PRKCB: variants seen among roughly 807,000 people sequenced by gnomAD.
The protein encoded by PRKCB is protein kinase C beta.
PRKCB carries 13 observed loss-of-function variants against 81.5 expected under a neutral mutation model. The observed-to-expected ratio is 0.16, with a 90% CI of 0.10 to 0.25. The LOEUF (loss-of-function observed/expected upper bound fraction) is 0.25, where lower values mean the gene tolerates loss of function less well. Ranked by LOEUF, PRKCB falls within the 10% of genes least tolerant of loss-of-function variation. The probability of loss-of-function intolerance (pLI) is 1.00; values close to 1 mark genes in which losing one functional copy is unlikely to be tolerated. For synonymous variants in PRKCB, 335 were observed against 321.4 expected (o/e 1.04, Z -0.45); for missense variants, 509 against 875.7 (o/e 0.58, Z 5.29).
chr16:24,021,359 T>TCCATCCCTCCCTCCC (rs1965400438), intron 3 of PRKCB, among the ~76,000 whole-genome samples: 1 of 27,774 alleles, frequency 3.6e-5, no homozygotes, highest in Non-Finnish European at 5.8e-5. Context: ...TCCTTCCTCC[T>TCCATCCCTCCCTCCC]TCCCTCCCTC....
At position 24,191,976 on chromosome 16, in the gene PRKCB, G is replaced by T. The variant is rs113823823; in HGVS notation, c.1863+746G>T. Among the ~76,000 whole-genome samples the T allele has an allele frequency of 9.8e-5, 15 of 152,306 alleles. 1 individual carries two copies. The highest frequency in any genetic ancestry group is 3.1e-4 in the African/African-American group (13 of 41,576). ...AATCAAACTGTTATTCTGCTGGGAG[G>T]ATATTTCCTTGTGAAATTAAATAGA... is the stretch of plus-strand genomic sequence containing the variant. On this transcript the variant is annotated intron_variant, in intron 16 of 16. Coordinates refer to ENST00000643927, the MANE Select transcript of PRKCB (RefSeq NM_002738.7).
chr16:24,059,951 A>G (rs1316628651), intron 5 of PRKCB, among the ~76,000 whole-genome samples: 2 of 152,106 alleles, frequency 1.3e-5, no homozygotes, highest in African/African-American at 4.8e-5. Flanking sequence ...GATGTTGAGG[A>G]GGGAATTGAA....
chr16:24,096,662 AAAAAATATATAT>A lies in PRKCB; in HGVS notation c.821+2367_821+2378del, dbSNP rs1276632680. 8.3e-3 allele frequency among the ~76,000 whole-genome samples: 335 copies of A among 40,442 alleles called. 9 individuals carry two copies. Among genetic ancestry groups the A allele is most frequent in the South Asian group, 0.022 (20 of 890 alleles). The allele number at this position is 40,442 out of a possible 152,430, so 26.5% of individuals were successfully genotyped here. A position where few individuals can be genotyped will look rare whatever the true frequency, so the allele number is the denominator to read the frequency against. ...GCTCCCTTCCTATGGCAAAAAAAAAAAAAAATATATATATATATATATATATATATATATATA... is the reference window on the plus strand; with the variant it reads ...GCTCCCTTCCTATGGCAAAAAAAAAAATATATATATATATATATATATATA... On this transcript the variant is annotated intron_variant, in intron 7 of 16. Transcript: ENST00000643927.
chr16:23,880,518 G>C (rs2141107436), intron 2 of PRKCB, among the ~76,000 whole-genome samples: 1 of 151,904 alleles, frequency 6.6e-6, no homozygotes, highest in Non-Finnish European at 1.5e-5. Flanking sequence ...GGTCTCTGTG[G>C]GTGTCTGACA....
At chr16:23,898,982 G>T (rs547512402) in intron 2 of PRKCB, among the ~76,000 whole-genome samples, 6 of 152,318 alleles carry the variant, frequency 3.9e-5, no homozygotes, top group African/African-American at 1.4e-4. Context: ...TGGACCATAG[G>T]AAGTGTTTAA....
chr16:24,038,544 G>C (rs543640101), intron 5 of PRKCB, among the ~76,000 whole-genome samples: 44 of 152,378 alleles, frequency 2.9e-4, no homozygotes, highest in Admixed American at 2.7e-3. Context: ...TGGGCCTCTG[G>C]CCCCATGTCA....
At chr16:23,997,386 C>T (rs889040305) in intron 3 of PRKCB, among the ~76,000 whole-genome samples, 3 of 152,192 alleles carry the variant, frequency 2.0e-5, no homozygotes, top group African/African-American at 7.2e-5. Context: ...GGCCCAGACC[C>T]TTTAAGAATG....
intron 4 of PRKCB, among the ~76,000 whole-genome samples, chr16:24,034,506 T>G (rs533511726): frequency 6.6e-6 from 1 of 152,306 alleles, no homozygotes; most frequent in East Asian, 1.9e-4. Context: ...ACAGATACTC[T>G]ACGGAGGAGT....
In PRKCB at chr16:23,836,145, A is replaced by G. The variant is rs1421398182; in HGVS notation, c.-31A>G. The G allele has an allele frequency of 2.1e-6, 3 of 1,400,498 alleles. No homozygotes were observed. The highest frequency in any genetic ancestry group is 2.8e-6 in the Non-Finnish European group (3 of 1,076,266). 86.8% of individuals were successfully genotyped at this position (1,400,498 alleles called of 1,614,324 possible). A position where few individuals can be genotyped will look rare whatever the true frequency, so the allele number is the denominator to read the frequency against. On this transcript the variant is annotated 5_prime_UTR_variant, in exon 1 of 17. Coordinates refer to ENST00000643927, the MANE Select transcript of PRKCB (RefSeq NM_002738.7). ...GCGGTCCCGCGGCCCCGGGGCCGGC[A>G]CCTCTCGGGCTCCGGCTCCCCGCGC... is the stretch of plus-strand genomic sequence containing the variant.
chr16:23,916,555 A>G lies in PRKCB; in HGVS notation c.206-71953A>G, dbSNP rs542737160. Among the ~76,000 whole-genome samples the G allele has an allele frequency of 4.6e-5, 7 of 151,978 alleles. 1 individual carries two copies. The South Asian group carries it at 1.5e-3, about 32-fold the overall frequency. On this transcript the variant is annotated intron_variant, in intron 2 of 16. Transcript: ENST00000643927. ...CCCTAGCCCTTAGGCCACTCTGTTC[A>G]CCTCCTTTTTGGCACCCAATATTCA... is the stretch of plus-strand genomic sequence containing the variant.
chr16:24,168,306 T>C (rs1444233772), intron 10 of PRKCB, among the ~76,000 whole-genome samples: 1 of 152,192 alleles, frequency 6.6e-6, no homozygotes, highest in East Asian at 1.9e-4. Context: ...CTGTATTGAC[T>C]TAAAAGGTGA....
At chr16:23,851,582 A>ATATGAACT (rs1962473538) in intron 2 of PRKCB, among the ~76,000 whole-genome samples, 1 of 152,196 alleles carries the variant, frequency 6.6e-6, no homozygotes. Flanking sequence ...TTGTGGTCCC[A>ATATGAACT]TATGAACTTA....
chr16:23,900,499 C>T (rs920758691), intron 2 of PRKCB, among the ~76,000 whole-genome samples: 1 of 152,194 alleles, frequency 6.6e-6, no homozygotes, highest in Admixed American at 6.5e-5. Flanking sequence ...CATTCCACTT[C>T]TGTCCTCAAG....
intron 2 of PRKCB, among the ~76,000 whole-genome samples, chr16:23,933,873 CAT>C: frequency 7.1e-6 from 1 of 141,276 alleles, no homozygotes; most frequent in African/African-American, 2.8e-5. Flanking sequence ...TCCATCCATC[CAT>C]CCATCATCTT....
intron 9 of PRKCB, among the ~76,000 whole-genome samples, chr16:24,125,629 G>T (rs1045389543): frequency 1.4e-4 from 21 of 152,150 alleles, no homozygotes; most frequent in Admixed American, 5.9e-4. Flanking sequence ...TGTCCTTGTT[G>T]ATTTTTTCTC....
chr16:24,123,540 A>C (rs1190609799), intron 8 of PRKCB, among the ~76,000 whole-genome samples: 2 of 152,128 alleles, frequency 1.3e-5, no homozygotes, highest in Non-Finnish European at 2.9e-5. Flanking sequence ...TGCAGGTGAG[A>C]GATGATGGCA....
At position 23,969,229 on chromosome 16, in the gene PRKCB, G is replaced by A. The variant is rs555630895; in HGVS notation, c.206-19279G>A. ...CCCTGCAGTGGGGCCCACTGGGAATGGTTGCATCTTCCATGGGGAGTTTAA... is the reference window on the plus strand; with the variant it reads ...CCCTGCAGTGGGGCCCACTGGGAATAGTTGCATCTTCCATGGGGAGTTTAA... On this transcript the variant is annotated intron_variant, in intron 2 of 16. Coordinates refer to ENST00000643927, the MANE Select transcript of PRKCB (RefSeq NM_002738.7). Among the ~76,000 whole-genome samples, 3 of 152,232 alleles carry A rather than the reference G, an allele frequency of 2.0e-5. No individual in the cohort carries two copies. In the East Asian group the frequency reaches 5.8e-4, roughly 29 times the overall value.
intron 2 of PRKCB, among the ~76,000 whole-genome samples, chr16:23,916,751 A>C (rs1963747172): frequency 6.6e-6 from 1 of 152,078 alleles, no homozygotes; most frequent in African/African-American, 2.4e-5. Context: ...ATGTCAGTGC[A>C]TATAGAACAT....
intron 2 of PRKCB, among the ~76,000 whole-genome samples, chr16:23,921,281 C>T (rs1411606317): frequency 1.3e-5 from 2 of 152,110 alleles, no homozygotes; most frequent in African/African-American, 4.8e-5. Context: ...TCTCAGTTTC[C>T]TCATCTTTCA....
Sources: gnomAD v4.1 joint callset for allele counts (sites outside exome capture counted in the v4.1 genomes callset) on GRCh38, gnomAD v4.1.1 for gene constraint, MANE v1.5 for transcripts, NCBI Gene and HGNC (gene_info 2026-07-23, HGNC 2026-07-21) for gene names.